The following CREB5 variants were observed in gnomAD, a reference collection of about 807,000 sequenced individuals.
CREB5 encodes cAMP responsive element binding protein 5, also known as cyclic AMP-responsive element-binding protein 5.
Under a neutral mutation model 57.1 loss-of-function variants are expected in CREB5, and 19 were observed. The observed-to-expected ratio is 0.33, with a 90% CI of 0.23 to 0.49. The LOEUF (loss-of-function observed/expected upper bound fraction) is 0.49. Ranked by LOEUF, CREB5 falls within the 20% of genes least tolerant of loss-of-function variation. The pLI, the probability that CREB5 is intolerant of heterozygous loss-of-function variation, is 0.99. For synonymous variants in CREB5, 238 were observed against 238.3 expected, an observed-to-expected ratio of 1.00 and a Z score of 0.01; for missense variants, 579 against 671.6, an observed-to-expected ratio of 0.86 and a Z score of 1.52.
chr7:28,527,783 A>G (rs1263941663), intron 4 of CREB5, among the ~76,000 whole-genome samples: 1 of 152,028 alleles, frequency 6.6e-6, no homozygotes, highest in Admixed American at 6.5e-5. Context: ...GCATCATTGC[A>G]CTCCAGCCTG....
At chr7:28,794,777 T>C (rs1484559983) in intron 7 of CREB5, among the ~76,000 whole-genome samples, 1 of 151,736 alleles carries the variant, frequency 6.6e-6, no homozygotes, top group African/African-American at 2.4e-5. Context: ...ACCACCACTG[T>C]CTCTGCCCAG....
intron 1 of CREB5, among the ~76,000 whole-genome samples, chr7:28,361,507 C>A (rs1449560232): frequency 6.6e-6 from 1 of 152,172 alleles, no homozygotes; most frequent in African/African-American, 2.4e-5. Flanking sequence ...GGGCATATGA[C>A]CTGACATTGG....
chr7:28,514,994 A>G (rs1251218875), intron 4 of CREB5, among the ~76,000 whole-genome samples: 3 of 152,142 alleles, frequency 2.0e-5, no homozygotes, highest in Admixed American at 6.5e-5. Flanking sequence ...GAAATATTGC[A>G]GAGTAAAATA....
intron 4 of CREB5, among the ~76,000 whole-genome samples, chr7:28,564,071 G>A (rs1340420457): frequency 2.6e-5 from 4 of 152,150 alleles, no homozygotes; most frequent in Non-Finnish European, 4.4e-5. Flanking sequence ...CTTCCAGAGG[G>A]TTAGAACCTT....
At chr7:28,528,542 T>G (rs1793551571) in intron 4 of CREB5, among the ~76,000 whole-genome samples, 1 of 151,846 alleles carries the variant, frequency 6.6e-6, no homozygotes, top group South Asian at 2.1e-4. Flanking sequence ...CTGTCTCTAC[T>G]AAAAACACAA....
At chr7:28,328,938 A>G (rs1315227633) in intron 1 of CREB5, among the ~76,000 whole-genome samples, 1 of 152,180 alleles carries the variant, frequency 6.6e-6, no homozygotes, top group African/African-American at 2.4e-5. Context: ...ATGCAAGTAC[A>G]CTTTTGGTGA....
intron 1 of CREB5, among the ~76,000 whole-genome samples, chr7:28,486,599 AG>A (rs910104781): frequency 6.3e-4 from 93 of 147,556 alleles, no homozygotes; most frequent in African/African-American, 2.2e-3. Flanking sequence ...CAAAAAAAAG[AG>A]GGGGGGTATG....
chr7:28,758,291 G>T (rs1206456489), intron 7 of CREB5, among the ~76,000 whole-genome samples: 1 of 152,184 alleles, frequency 6.6e-6, no homozygotes. Flanking sequence ...TGGCTGTTCT[G>T]TAGCCTGCAG....
intron 5 of CREB5, among the ~76,000 whole-genome samples, chr7:28,650,290 T>C (rs1799073578): frequency 6.6e-6 from 1 of 152,230 alleles, no homozygotes; most frequent in South Asian, 2.1e-4. Flanking sequence ...TTTTCTGTCT[T>C]AAGCATTCTT....
intron 1 of CREB5, among the ~76,000 whole-genome samples, chr7:28,481,704 A>G (rs1326238333): frequency 2.0e-5 from 3 of 152,230 alleles, no homozygotes; most frequent in South Asian, 4.1e-4. Context: ...CAAGACCACA[A>G]GATCCTTTCA....
intron 4 of CREB5, among the ~76,000 whole-genome samples, chr7:28,560,831 C>CGCAT (rs1795090436): frequency 1.7e-5 from 1 of 58,896 alleles, no homozygotes; most frequent in Non-Finnish European, 3.5e-5. Context: ...TGCGCGCGCG[C>CGCAT]GCGTGTGTGT....
In CREB5 at chr7:28,821,652, C is replaced by T. The variant is rs1188363895; in HGVS notation, c.*2373C>T. On this transcript the variant is annotated 3_prime_UTR_variant, in exon 11 of 11. Transcript: ENST00000357727. ...CTGGCTTCCTAAGAAATGTTTAAGA[C>T]TCAGCTTTAAAAAGAAGTTAACATT... is the stretch of plus-strand genomic sequence containing the variant. 6.6e-6 allele frequency: 1 copy of T among 152,068 alleles called. No homozygotes were observed. Among genetic ancestry groups the T allele is most frequent in the Non-Finnish European group, 1.5e-5 (1 of 68,016 alleles). 9.4% of individuals were successfully genotyped at this position (152,068 alleles called of 1,614,324 possible).
At chr7:28,442,382 G>C (rs947199871) in intron 1 of CREB5, among the ~76,000 whole-genome samples, 1 of 152,160 alleles carries the variant, frequency 6.6e-6, no homozygotes, top group Non-Finnish European at 1.5e-5. Flanking sequence ...TAGCTATCGT[G>C]AATAGTGCTG....
intron 1 of CREB5, among the ~76,000 whole-genome samples, chr7:28,464,311 T>A (rs1197257256): frequency 6.6e-6 from 1 of 152,226 alleles, no homozygotes; most frequent in Admixed American, 6.5e-5. Context: ...TTTCTTGTGA[T>A]ATCCTTGTCT....
At chr7:28,358,088 C>T (rs1005557280) in intron 1 of CREB5, among the ~76,000 whole-genome samples, 2 of 152,138 alleles carry the variant, frequency 1.3e-5, no homozygotes, top group Non-Finnish European at 2.9e-5. Flanking sequence ...TTGTCTGAGG[C>T]ATCTTGCATA....
chr7:28,763,812 T>TA (rs56093704), intron 7 of CREB5, among the ~76,000 whole-genome samples: 1,233 of 90,288 alleles, frequency 0.014, 6 homozygotes, highest in Middle Eastern at 0.027. Flanking sequence ...TTATTATTAT[T>TA]TTTTTTTGAG....
chr7:28,745,762 G>A (rs1426728375), intron 7 of CREB5, among the ~76,000 whole-genome samples: 1 of 152,210 alleles, frequency 6.6e-6, no homozygotes, highest in Non-Finnish European at 1.5e-5. Context: ...ACCCCTGGCA[G>A]TCCTTGATCT....
chr7:28,678,185 C>G (rs1020170510), intron 5 of CREB5, among the ~76,000 whole-genome samples: 1 of 152,060 alleles, frequency 6.6e-6, no homozygotes, highest in Non-Finnish European at 1.5e-5. Context: ...GTCAGGAGTT[C>G]AAGACCAGCC....
At chr7:28,739,960 G>A (rs1804241474) in intron 7 of CREB5, among the ~76,000 whole-genome samples, 1 of 152,164 alleles carries the variant, frequency 6.6e-6, no homozygotes, top group Non-Finnish European at 1.5e-5. Context: ...ATCTCATTCG[G>A]CCGTGCCAAC....
Sources: gnomAD v4.1 joint callset for allele counts (sites outside exome capture counted in the v4.1 genomes callset) on GRCh38, gnomAD v4.1.1 for gene constraint, MANE v1.5 for transcripts, NCBI Gene and HGNC (gene_info 2026-07-23, HGNC 2026-07-21) for gene names.